FOXN3: variants seen among roughly 807,000 people sequenced by gnomAD.
FOXN3 encodes forkhead box N3, also known as forkhead box protein N3.
A neutral mutation model predicts 38.4 loss-of-function variants in FOXN3; 7 were observed. That is an observed-to-expected ratio of 0.18 (90% confidence interval 0.10 to 0.34). FOXN3 has a LOEUF of 0.34. FOXN3 is among the 10% of genes least tolerant of loss of function. The pLI is 1.00. For synonymous variants in FOXN3, 230 were observed against 242.2 expected, an observed-to-expected ratio of 0.95 and a Z score of 0.47; for missense variants, 456 against 613.4, an observed-to-expected ratio of 0.74 and a Z score of 2.71.
At chr14:89,390,311 C>CTA (rs34516037) in intron 2 of FOXN3, among the ~76,000 whole-genome samples, 21,315 of 139,008 alleles carry the variant, frequency 0.15, 1,863 homozygotes, top group Admixed American at 0.24. Flanking sequence ...CTCTCTCTCT[C>CTA]TCTATATATA....
intron 4 of FOXN3, among the ~76,000 whole-genome samples, chr14:89,227,615 C>T (rs568552416): frequency 2.6e-5 from 4 of 152,240 alleles, no homozygotes; most frequent in Admixed American, 1.3e-4. Flanking sequence ...TTAAGATGAC[C>T]CCCAGTGAGT....
intron 4 of FOXN3, among the ~76,000 whole-genome samples, chr14:89,183,551 A>C (rs549888267): frequency 6.6e-6 from 1 of 152,302 alleles, no homozygotes; most frequent in Admixed American, 6.5e-5. Flanking sequence ...GGCAGAAAGG[A>C]TGGAGACACC....
At chr14:89,225,138 A>G (rs1241593006) in intron 4 of FOXN3, among the ~76,000 whole-genome samples, 15 of 151,276 alleles carry the variant, frequency 9.9e-5, no homozygotes, top group Non-Finnish European at 5.9e-5. Context: ...AAAAAAAAAA[A>G]AAAAAAGAAC....
intron 1 of FOXN3, among the ~76,000 whole-genome samples, chr14:89,517,519 A>C (rs1390019669): frequency 6.6e-6 from 1 of 152,142 alleles, no homozygotes; most frequent in African/African-American, 2.4e-5. Context: ...GAAGAAAGGG[A>C]GGGAAGGTGC....
intron 4 of FOXN3, among the ~76,000 whole-genome samples, chr14:89,229,068 C>T (rs1566934316): frequency 6.6e-6 from 1 of 152,162 alleles, no homozygotes; most frequent in Non-Finnish European, 1.5e-5. Context: ...GCAATCAGAA[C>T]AACCAATACA....
At chr14:89,596,015 A>G (rs748346666) in intron 1 of FOXN3, among the ~76,000 whole-genome samples, 2 of 152,168 alleles carry the variant, frequency 1.3e-5, no homozygotes, top group African/African-American at 2.4e-5. Flanking sequence ...CTGATTTCAA[A>G]TATATTACAC....
chr14:89,555,870 TGTGTGTATGTGGGG>T (rs1375062848), intron 1 of FOXN3, among the ~76,000 whole-genome samples: 15 of 117,404 alleles, frequency 1.3e-4, no homozygotes, highest in Admixed American at 1.0e-3. Context: ...TGTGTGTGTG[TGTGTGTATGTGGGG>T]GTGTATGTGG....
intron 1 of FOXN3, among the ~76,000 whole-genome samples, chr14:89,466,149 T>G (rs1892972525): frequency 6.6e-6 from 1 of 152,230 alleles, no homozygotes; most frequent in South Asian, 2.1e-4. Context: ...AACGACTGAA[T>G]GCCTCTAGTC....
chr14:89,505,245 C>CCCCTCT (rs1178955185), intron 1 of FOXN3, among the ~76,000 whole-genome samples: 5,710 of 147,940 alleles, frequency 0.039, 398 homozygotes, highest in African/African-American at 0.13. Flanking sequence ...GAAACACTGT[C>CCCCTCT]CCCTCTCCCT....
chr14:89,390,293 TTCTCTCTC>T (rs71130070), intron 2 of FOXN3, among the ~76,000 whole-genome samples: 2 of 139,944 alleles, frequency 1.4e-5, no homozygotes, highest in Non-Finnish European at 3.1e-5. Context: ...CTCGTTCTCT[TTCTCTCTC>T]TCTCTCTCTC....
At chr14:89,387,534 G>C (rs1566974634) in intron 2 of FOXN3, among the ~76,000 whole-genome samples, 1 of 152,260 alleles carries the variant, frequency 6.6e-6, no homozygotes, top group East Asian at 1.9e-4. Context: ...TTCAGCCCTA[G>C]GTCTCTCTGA....
At chr14:89,265,654 C>CTTT (rs1885954154) in intron 4 of FOXN3, among the ~76,000 whole-genome samples, 1 of 152,200 alleles carries the variant, frequency 6.6e-6, no homozygotes, top group Non-Finnish European at 1.5e-5. Flanking sequence ...AGCACGTCCA[C>CTTT]TTTTAAAAAC....
At chr14:89,430,995 C>G (rs1181772502) in intron 1 of FOXN3, among the ~76,000 whole-genome samples, 2 of 152,230 alleles carry the variant, frequency 1.3e-5, no homozygotes, top group Non-Finnish European at 2.9e-5. Context: ...GTGCCAAACT[C>G]CATCTCCATT....
intron 4 of FOXN3, among the ~76,000 whole-genome samples, chr14:89,203,969 A>T (rs929938351): frequency 1.3e-5 from 2 of 151,872 alleles, no homozygotes; most frequent in African/African-American, 4.8e-5. Context: ...ATGTACTACT[A>T]AAGCTTGGTT....
intron 1 of FOXN3, among the ~76,000 whole-genome samples, chr14:89,513,527 G>GAGCC (rs1894139824): frequency 6.6e-6 from 1 of 151,940 alleles, no homozygotes; most frequent in East Asian, 1.9e-4. Flanking sequence ...GACATGAGAT[G>GAGCC]AGCCACTGCA....
intron 4 of FOXN3, among the ~76,000 whole-genome samples, chr14:89,213,795 A>G (rs1214889157): frequency 2.2e-5 from 3 of 133,524 alleles, no homozygotes; most frequent in Non-Finnish European, 4.8e-5. Flanking sequence ...AAATTTGACA[A>G]CTATGTTTCT....
intron 4 of FOXN3, among the ~76,000 whole-genome samples, chr14:89,181,949 C>T (rs562451915): frequency 3.2e-4 from 48 of 152,268 alleles, no homozygotes; most frequent in Admixed American, 1.0e-3. Flanking sequence ...GAACACTGTT[C>T]TTCTAAGACC....
intron 1 of FOXN3, among the ~76,000 whole-genome samples, chr14:89,447,065 A>T (rs573816163): frequency 1.3e-5 from 2 of 152,146 alleles, no homozygotes; most frequent in Admixed American, 6.5e-5. Flanking sequence ...GTGTGGTGGC[A>T]TGCACCTGTA....
At chr14:89,404,080 T>G (rs11849165) in intron 2 of FOXN3, among the ~76,000 whole-genome samples, 132 of 152,242 alleles carry the variant, frequency 8.7e-4, no homozygotes, top group African/African-American at 3.0e-3. Context: ...GTAGGTACTT[T>G]AAAAAGTTTG....
Sources: allele counts gnomAD v4.1 joint callset (sites outside exome capture counted in the v4.1 genomes callset), GRCh38; gene constraint gnomAD v4.1.1; transcripts MANE v1.5; gene names NCBI Gene and HGNC (gene_info 2026-07-23, HGNC 2026-07-21).